Variants in VIPR1 observed in about 807,000 individuals in gnomAD.
VIPR1 encodes the protein vasoactive intestinal polypeptide receptor 1.
In VIPR1, 59 loss-of-function variants were observed where a neutral mutation model predicts 58.8. The observed-to-expected ratio is 1.00, with a 90% CI of 0.81 to 1.25. The LOEUF (loss-of-function observed/expected upper bound fraction) is 1.25. Ranked by LOEUF, VIPR1 falls within the 50% of genes most tolerant of loss-of-function variation. The pLI is 0.00. For missense variants in VIPR1, 626 were observed against 602.7 expected, an observed-to-expected ratio of 1.04 and a Z score of -0.40; for synonymous variants, 251 against 242.1, an observed-to-expected ratio of 1.04 and a Z score of -0.34.
intron 10 of VIPR1, chr3:42,532,881 G>T (rs1487136962): frequency 6.2e-6 from 1 of 161,624 alleles, no homozygotes; most frequent in Non-Finnish European, 1.4e-5. Flanking sequence ...TTACTTTACA[G>T]GGAGGAAATG....
At position 42,507,196 on chromosome 3, in the gene VIPR1, G is replaced by C. The variant is rs143643232; in HGVS notation, c.78+4383G>C. On this transcript the variant is annotated intron_variant, in intron 1 of 12. Coordinates refer to ENST00000325123, the MANE Select transcript of VIPR1 (RefSeq NM_004624.4). Reference sequence around the variant, plus strand: ...ATCTAATATTCAAATATCCCCAGCCGGAATGTAATGAAGTGCCACAGGATG... The same window carrying C: ...ATCTAATATTCAAATATCCCCAGCCCGAATGTAATGAAGTGCCACAGGATG... 8.5e-5 allele frequency: 13 copies of C among 152,300 alleles called. No individual in the cohort carries two copies. In the East Asian group the frequency reaches 2.3e-3, roughly 27 times the overall value. 9.4% of individuals were successfully genotyped at this position (152,300 alleles called of 1,614,324 possible).
Position 42,536,266 on chromosome 3 carries a change from A to C in VIPR1, c.1359A>C (p.Glu453Asp). 6.4e-7 allele frequency: 1 copy of C among 1,571,528 alleles called. No individual in the cohort carries two copies. Among genetic ancestry groups the C allele is most frequent in the Non-Finnish European group, 8.6e-7 (1 of 1,165,410 alleles). Residue 453 changes from glutamate to aspartate, a missense_variant, in exon 13 of 13, where the codon GAA (glutamate) becomes GAC (aspartate). Glu to Asp is a conservative substitution (Grantham distance 45). Transcript: ENST00000325123. ...GCCGCTCCTCCAGCTTCCAAGCCGAAGTCTCCCTGGTCTGACCACCAGGAT... is the reference window on the plus strand; with the variant it reads ...GCCGCTCCTCCAGCTTCCAAGCCGACGTCTCCCTGGTCTGACCACCAGGAT... ...GARRSSSFQA[E>D]VSLV is the part of the protein sequence containing the mutation.
intron 7 of VIPR1, 181 bp from the exon 8 acceptor site, chr3:42,531,290 A>AC: frequency 1.5e-6 from 1 of 666,076 alleles, no homozygotes; most frequent in Non-Finnish European, 2.6e-6. Context: ...ATACAGCTTC[A>AC]CCCCCTCAGT....
chr3:42,524,443 C>T (rs1221182972), intron 3 of VIPR1, among the ~76,000 whole-genome samples: 1 of 152,210 alleles, frequency 6.6e-6, no homozygotes, highest in African/African-American at 2.4e-5. Context: ...GCCCCCTCCT[C>T]AACCAAATCC....
chr3:42,502,639 C>G (rs1364724940), upstream of VIPR1: 1 of 961,730 alleles, frequency 1.0e-6, no homozygotes, highest in African/African-American at 1.7e-5. Context: ...ACAGCGCCAG[C>G]GCCACTCTGC....
At chr3:42,531,610 C>A in intron 8 of VIPR1, 79 bp downstream of exon 8, 1 of 1,575,752 alleles carries the variant, frequency 6.3e-7, no homozygotes. Context: ...TGCCATCTGG[C>A]CTTGGTGAGT....
At position 42,525,913 on chromosome 3, in the gene VIPR1, G is replaced by A. The variant is rs201503204; in HGVS notation, c.319G>A (p.Asp107Asn). The A allele has an allele frequency of 9.9e-6, 16 of 1,613,048 alleles. No individual in the cohort carries two copies. Among genetic ancestry groups the A allele is most frequent in the Admixed American group, 6.7e-5 (4 of 59,902 alleles). Residue 107 changes from aspartate (D) to asparagine (N), a missense_variant, in exon 4 of 13, where the codon GAC becomes AAC. Coordinates refer to ENST00000325123, the MANE Select transcript of VIPR1 (RefSeq NM_004624.4). ...QGRNVSRSCT[D>N]EGWTHLEPGP... ...CCGCAATGTAAGCCGCAGCTGCACC[G>A]ACGAAGGCTGGACGCACCTGGAGCC...
Position 42,502,700 on chromosome 3 carries a change from C to T in VIPR1, c.-36C>T. 7.8e-7 allele frequency: 1 copy of T among 1,275,578 alleles called. No homozygotes were observed. Among genetic ancestry groups the T allele is most frequent in the Non-Finnish European group, 9.8e-7 (1 of 1,015,364 alleles). 79.0% of individuals were successfully genotyped at this position (1,275,578 alleles called of 1,614,324 possible). ...GTGCGCCGCCCGCCAGCTCTTTGCC[C>T]GCGCGGGGCCGCCCGCCGCGGGCTC... On this transcript the variant is annotated 5_prime_UTR_variant, in exon 1 of 13. Coordinates refer to ENST00000325123, the MANE Select transcript of VIPR1 (RefSeq NM_004624.4).
chr3:42,526,594 T>A lies in VIPR1; in HGVS notation c.399+601T>A, dbSNP rs2239501. On this transcript the variant is annotated intron_variant, in intron 4 of 12. Coordinates refer to ENST00000325123, the MANE Select transcript of VIPR1 (RefSeq NM_004624.4). ...GTCTGCGATGGCATCTGCCCCACCC[T>A]CAGGCGCCCTTCTCAGACCGGGCTT... Among the ~76,000 whole-genome samples the A allele has an allele frequency of 0.013, 1,964 of 152,168 alleles. 136 individuals are homozygous for A. In the East Asian group the frequency reaches 0.22, roughly 17 times the overall value.
At chr3:42,498,830 A>G (rs568021993), upstream of VIPR1, among the ~76,000 whole-genome samples, 1 of 152,326 alleles carries the variant, frequency 6.6e-6, no homozygotes, top group South Asian at 2.1e-4. Flanking sequence ...GACGTGAAGG[A>G]TGAATGAATG....
chr3:42,530,625 A>G (rs1024894628), intron 6 of VIPR1, 154 bp from the exon 7 acceptor site: 37 of 872,932 alleles, frequency 4.2e-5, no homozygotes, highest in Non-Finnish European at 6.1e-5. Context: ...AAAATGGGAA[A>G]ACCAATGAGT....
chr3:42,519,704 T>TAC (rs1156535947), intron 3 of VIPR1, among the ~76,000 whole-genome samples: 1 of 152,212 alleles, frequency 6.6e-6, no homozygotes, highest in Non-Finnish European at 1.5e-5. Context: ...TGACTTTGCT[T>TAC]ACACACCTTG....
chr3:42,530,338 A>G (rs1384288154), intron 6 of VIPR1: 1 of 176,850 alleles, frequency 5.7e-6, no homozygotes, highest in African/African-American at 2.4e-5. Flanking sequence ...GTGGGTTGGT[A>G]GAAGAATGGA....
intron 5 of VIPR1, 114 bp from the exon 6 acceptor site, chr3:42,527,877 C>T (rs1402001807): frequency 2.1e-6 from 3 of 1,432,828 alleles, no homozygotes; most frequent in Non-Finnish European, 2.9e-6. Flanking sequence ...CGGGGCCTGC[C>T]CTCTGGAGGA....
At chr3:42,528,851 A>G (rs904598518) in intron 6 of VIPR1, among the ~76,000 whole-genome samples, 5 of 152,174 alleles carry the variant, frequency 3.3e-5, no homozygotes, top group African/African-American at 1.2e-4. Flanking sequence ...GAGGCAGTGC[A>G]TTATATCAGG....
At chr3:42,503,419 TA>T (rs1300428219) in intron 1 of VIPR1, among the ~76,000 whole-genome samples, 1 of 152,056 alleles carries the variant, frequency 6.6e-6, no homozygotes, top group Non-Finnish European at 1.5e-5. Context: ...GGGTGGTGGT[TA>T]ACAGGAGGGG....
At chr3:42,513,972 C>A (rs963783015) in intron 2 of VIPR1, 118 bp downstream of exon 2, 7 of 1,164,580 alleles carry the variant, frequency 6.0e-6, no homozygotes, top group Non-Finnish European at 8.5e-6. Flanking sequence ...TGGTGAGGAG[C>A]GGCTGGGGAG....
upstream of VIPR1, among the ~76,000 whole-genome samples, chr3:42,497,688 C>T (rs772548493): frequency 1.3e-5 from 2 of 152,040 alleles, no homozygotes; most frequent in African/African-American, 2.4e-5. Flanking sequence ...ATCATGGGGG[C>T]GGTTTCCCCG....
chr3:42,525,266 C>G (rs1211043673), intron 3 of VIPR1, among the ~76,000 whole-genome samples: 1 of 152,106 alleles, frequency 6.6e-6, no homozygotes, highest in Non-Finnish European at 1.5e-5. Context: ...GACAGTGCAG[C>G]TTGCCTGGAG....
Sources: allele counts gnomAD v4.1 joint callset (sites outside exome capture counted in the v4.1 genomes callset), GRCh38; gene constraint gnomAD v4.1.1; transcripts MANE v1.5; gene names NCBI Gene and HGNC (gene_info 2026-07-23, HGNC 2026-07-21).